The following CDKAL1 variants were observed in gnomAD, a reference collection of about 807,000 sequenced individuals.
CDKAL1 encodes CDKAL1 threonylcarbamoyladenosine tRNA methylthiotransferase.
Under a neutral mutation model 68.2 loss-of-function variants are expected in CDKAL1, and 32 were observed. The observed-to-expected ratio is 0.47, with a 90% CI of 0.35 to 0.63. The LOEUF (loss-of-function observed/expected upper bound fraction) is 0.63. Ranked by LOEUF, CDKAL1 falls within the 30% of genes least tolerant of loss-of-function variation. The pLI, the probability that CDKAL1 is intolerant of heterozygous loss-of-function variation, is 0.00. For synonymous variants in CDKAL1, 234 were observed against 244.3 expected (o/e 0.96, Z 0.39); for missense variants, 606 against 696.7 (o/e 0.87, Z 1.47).
chr6:20,899,164 A>C (rs1363243936), intron 9 of CDKAL1, among the ~76,000 whole-genome samples: 1 of 150,526 alleles, frequency 6.6e-6, no homozygotes, highest in Non-Finnish European at 1.5e-5. Flanking sequence ...TTCTGGGTTC[A>C]AGTGAGTCTC....
chr6:20,711,719 G>A (rs964766349), intron 5 of CDKAL1, among the ~76,000 whole-genome samples: 2 of 152,152 alleles, frequency 1.3e-5, no homozygotes, highest in Non-Finnish European at 2.9e-5. Context: ...CTGCAACACA[G>A]GAGTATTTAA....
At chr6:20,599,506 G>A (rs2127710572) in intron 4 of CDKAL1, 2 of 327,604 alleles carry the variant, frequency 6.1e-6, no homozygotes, top group South Asian at 5.2e-5. Context: ...GGTGCTTTAT[G>A]CAAATATTAC....
intron 10 of CDKAL1, among the ~76,000 whole-genome samples, chr6:20,956,164 A>G (rs943818708): frequency 6.6e-6 from 1 of 152,374 alleles, no homozygotes; most frequent in East Asian, 1.9e-4. Context: ...CCCTGAATAC[A>G]TGACATTTTC....
chr6:20,853,322 A>C (rs1438758186), intron 9 of CDKAL1, among the ~76,000 whole-genome samples: 2 of 151,346 alleles, frequency 1.3e-5, no homozygotes, highest in Non-Finnish European at 2.9e-5. Flanking sequence ...GTGAGGTTGC[A>C]GTGAGCCAAG....
At position 20,586,057 on chromosome 6, in the gene CDKAL1, A is replaced by G. The variant is rs111543436; in HGVS notation, c.286+37352A>G. Among the ~76,000 whole-genome samples, 1,228 of 152,304 alleles carry G rather than the reference A, an allele frequency of 8.1e-3. 10 individuals are homozygous for G. Among genetic ancestry groups the G allele is most frequent in the Middle Eastern group, 0.024 (7 of 294 alleles). ...AAAGACTTTGGAGTCAAGGATAACT[A>G]CTTGTTTCCACATCACACACTGAGT... On this transcript the variant is annotated intron_variant, in intron 4 of 15. Transcript: ENST00000274695.
At chr6:20,930,469 T>C (rs1216953998) in intron 9 of CDKAL1, among the ~76,000 whole-genome samples, 1 of 152,198 alleles carries the variant, frequency 6.6e-6, no homozygotes, top group African/African-American at 2.4e-5. Flanking sequence ...GAAGTAGTTT[T>C]TGTCTCCAAA....
intron 13 of CDKAL1, among the ~76,000 whole-genome samples, chr6:21,131,806 T>TA (rs1775336176): frequency 9.1e-6 from 1 of 109,822 alleles, no homozygotes; most frequent in African/African-American, 2.9e-5. Flanking sequence ...TTTAAAAATA[T>TA]TTTTTTAAAG....
At chr6:20,604,877 G>A (rs1766267602) in intron 4 of CDKAL1, among the ~76,000 whole-genome samples, 2 of 152,198 alleles carry the variant, frequency 1.3e-5, no homozygotes, top group Admixed American at 6.6e-5. Context: ...TAACTCACTT[G>A]CAGATCTTTT....
At chr6:21,195,034 C>T (rs1016443750) in intron 13 of CDKAL1, among the ~76,000 whole-genome samples, 4 of 152,064 alleles carry the variant, frequency 2.6e-5, no homozygotes, top group African/African-American at 4.8e-5. Flanking sequence ...CTCCAACTCC[C>T]GGGCTCAAGC....
intron 5 of CDKAL1, among the ~76,000 whole-genome samples, chr6:20,714,390 T>C (rs1392310068): frequency 1.5e-5 from 2 of 129,614 alleles, no homozygotes; most frequent in Admixed American, 7.6e-5. Context: ...TTTTTTTTTT[T>C]TTTTTTTTTT....
intron 5 of CDKAL1, among the ~76,000 whole-genome samples, chr6:20,673,870 G>A (rs536384308): frequency 2.2e-4 from 34 of 152,282 alleles, no homozygotes; most frequent in African/African-American, 5.3e-4. Context: ...TTTGTAAATT[G>A]CCCAGTCTTG....
intron 4 of CDKAL1, among the ~76,000 whole-genome samples, chr6:20,635,673 T>C (rs1767873109): frequency 6.6e-6 from 1 of 152,192 alleles, no homozygotes; most frequent in Admixed American, 6.5e-5. Flanking sequence ...CCACCTCTTC[T>C]AGTGGGTCTC....
chr6:20,898,936 A>G (rs1381694884), intron 9 of CDKAL1, among the ~76,000 whole-genome samples: 1 of 152,150 alleles, frequency 6.6e-6, no homozygotes, highest in African/African-American at 2.4e-5. Flanking sequence ...CTTACTAAAT[A>G]CCACATTTTA....
rs368685945 is a variant in CDKAL1, at chr6:20,752,773, A to G, written c.469-5822A>G. Reference sequence around the variant, plus strand: ...CTTAAATCACTATAGTACAATTATCAGTATTAATACAATATTATAAACTAG... The same window carrying G: ...CTTAAATCACTATAGTACAATTATCGGTATTAATACAATATTATAAACTAG... On this transcript the variant is annotated intron_variant, in intron 6 of 15. Transcript: ENST00000274695. Among the ~76,000 whole-genome samples, 58 of 152,334 alleles carry G rather than the reference A, an allele frequency of 3.8e-4. 1 individual carries two copies. In the East Asian group the frequency reaches 9.1e-3, roughly 24 times the overall value.
chr6:20,991,488 A>C (rs13199754), intron 10 of CDKAL1, among the ~76,000 whole-genome samples: 1 of 151,982 alleles, frequency 6.6e-6, no homozygotes, highest in Admixed American at 6.6e-5. Flanking sequence ...TGGGTGGGTC[A>C]TTTGAGGTCA....
chr6:20,545,563 A>G (rs944220976), intron 2 of CDKAL1, among the ~76,000 whole-genome samples: 1 of 152,020 alleles, frequency 6.6e-6, no homozygotes, highest in African/African-American at 2.4e-5. Context: ...CAGCCTCCCA[A>G]GTAGCTAAAA....
At chr6:20,891,338 G>A (rs1311673426) in intron 9 of CDKAL1, among the ~76,000 whole-genome samples, 5 of 152,200 alleles carry the variant, frequency 3.3e-5, no homozygotes, top group South Asian at 2.1e-4. Flanking sequence ...GAGCTCTGAC[G>A]TGATCATTTG....
chr6:20,618,940 A>C lies in CDKAL1; in HGVS notation c.287-30353A>C, dbSNP rs949773534. On this transcript the variant is annotated intron_variant, in intron 4 of 15. Coordinates refer to ENST00000274695, the MANE Select transcript of CDKAL1 (RefSeq NM_017774.3). ...GCAGTCCACCCTCCTTGGCCTCCCA[A>C]AGTGCTGGGATTACAGGGGTGAGCC... Among the ~76,000 whole-genome samples, 82 of 152,276 alleles carry C rather than the reference A, an allele frequency of 5.4e-4. 1 individual carries two copies. The highest frequency in any genetic ancestry group is 1.9e-3 in the African/African-American group (79 of 41,556).
intron 5 of CDKAL1, among the ~76,000 whole-genome samples, chr6:20,721,368 A>T (rs1432605649): frequency 6.6e-6 from 1 of 152,014 alleles, no homozygotes; most frequent in Non-Finnish European, 1.5e-5. Context: ...TCATTGATGG[A>T]CATTTGGGTT....
Sources: allele counts gnomAD v4.1 joint callset (sites outside exome capture counted in the v4.1 genomes callset), GRCh38; gene constraint gnomAD v4.1.1; transcripts MANE v1.5; gene names NCBI Gene and HGNC (gene_info 2026-07-23, HGNC 2026-07-21).